The following TMC2 variants were observed in gnomAD, a reference collection of about 807,000 sequenced individuals.
TMC2 encodes transmembrane channel like 2, also known as transmembrane channel-like protein 2.
Under a neutral mutation model 105.9 loss-of-function variants are expected in TMC2, and 102 were observed. The ratio of observed to expected loss-of-function variants is 0.96; its 90% CI spans 0.82 to 1.14. The LOEUF (loss-of-function observed/expected upper bound fraction) is 1.14. Ranked by LOEUF, TMC2 falls within the 50% of genes most tolerant of loss-of-function variation. The pLI, the probability that TMC2 is intolerant of heterozygous loss-of-function variation, is 0.00. For synonymous variants in TMC2, 402 were observed against 422.8 expected (o/e 0.95, Z 0.60); for missense variants, 1,093 against 1,134.3 (o/e 0.96, Z 0.52).
rs551530537 is a variant in TMC2 at position 2,597,442 on chromosome 20, C to A, written c.1224+144C>A. 2.3e-4 allele frequency: 183 copies of A among 791,628 alleles called. No homozygotes were observed. The African/African-American group carries it at 2.7e-3, about 12-fold the overall frequency. The allele number at this position is 791,628 out of a possible 1,614,324, so 49.0% of individuals were successfully genotyped here. On this transcript the variant is annotated intron_variant, in intron 10 of 19. Transcript: ENST00000358864. ...TTCCCAGAAATGTGAGCCCAGTTTT[C>A]AAACCCTTAAGTAAGAATGTTCGTG...
rs1351070900 is a variant in TMC2, at chr20:2,643,033, C to T, written c.*1682C>T. ...CTCCCAAATCCCTTCCCTTCTCAAT[C>T]CAGCACCAAAACTTCACATATATAT... On this transcript the variant is annotated 3_prime_UTR_variant, in exon 20 of 20. Coordinates refer to ENST00000358864, the MANE Select transcript of TMC2 (RefSeq NM_080751.3). Among the ~76,000 whole-genome samples the T allele has an allele frequency of 2.6e-5, 4 of 152,158 alleles. No homozygotes were observed. The East Asian group carries it at 7.7e-4, about 29-fold the overall frequency.
intron 17 of TMC2, among the ~76,000 whole-genome samples, chr20:2,631,577 A>G (rs1386932355): frequency 2.6e-5 from 4 of 152,186 alleles, no homozygotes; most frequent in Non-Finnish European, 5.9e-5. Flanking sequence ...TCTTTCAAAT[A>G]TGTCATCCCA....
At position 2,640,184 on chromosome 20, in the gene TMC2, G is replaced by A. The variant is rs575380632; in HGVS notation, c.2504-950G>A. On this transcript the variant is annotated intron_variant, in intron 19 of 19. Coordinates refer to ENST00000358864, the MANE Select transcript of TMC2 (RefSeq NM_080751.3). ...TTTAGTAGAGATGGGATTTCACCACGTTGGCCAGGCTGGTCTCAAACTCCT... is the reference window on the plus strand; with the variant it reads ...TTTAGTAGAGATGGGATTTCACCACATTGGCCAGGCTGGTCTCAAACTCCT... 5.3e-5 allele frequency among the ~76,000 whole-genome samples: 8 copies of A among 152,120 alleles called. No homozygotes were observed. The East Asian group carries it at 7.7e-4, about 15-fold the overall frequency.
Position 2,630,685 on chromosome 20 carries a change from G to C in TMC2, c.2307-5241G>C, listed in dbSNP as rs142397510. Among the ~76,000 whole-genome samples the C allele has an allele frequency of 2.1e-3, 322 of 152,250 alleles. 2 individuals carry two copies. Among genetic ancestry groups the C allele is most frequent in the Middle Eastern group, 0.017 (5 of 294 alleles). The stretch of plus-strand genomic sequence containing the variant: ...AAACTTTAAAAATTAACTGAGTGTG[G>C]TGGCACATGCCTGTAGTTCCAGCTA... On this transcript the variant is annotated intron_variant, in intron 17 of 19. Coordinates refer to ENST00000358864, the MANE Select transcript of TMC2 (RefSeq NM_080751.3).
intron 5 of TMC2, 29 bp downstream of exon 5, chr20:2,572,298 T>A (rs949115138): frequency 6.4e-7 from 1 of 1,555,516 alleles, no homozygotes; most frequent in African/African-American, 1.4e-5. Flanking sequence ...GTGAATCTGT[T>A]GGGAGGGCTT....
chr20:2,602,883 C>T (rs2086361984), intron 11 of TMC2, among the ~76,000 whole-genome samples: 1 of 152,226 alleles, frequency 6.6e-6, no homozygotes, highest in African/African-American at 2.4e-5. Context: ...CTTTGCTTTC[C>T]TTTGCACATT....
At chr20:2,574,765 G>A (rs561863797) in intron 5 of TMC2, among the ~76,000 whole-genome samples, 55 of 150,926 alleles carry the variant, frequency 3.6e-4, no homozygotes, top group Non-Finnish European at 6.3e-4. Flanking sequence ...TTTCTCTGTC[G>A]CCCAGGCTAG....
intron 2 of TMC2, among the ~76,000 whole-genome samples, chr20:2,542,725 G>C (rs142548686): frequency 0.014 from 1,994 of 137,860 alleles, 44 homozygotes; most frequent in African/African-American, 0.051. Context: ...ACAGAGTCTC[G>C]CTCTGTCACC....
chr20:2,548,163 C>T (rs2085935656), intron 2 of TMC2, among the ~76,000 whole-genome samples: 1 of 152,150 alleles, frequency 6.6e-6, no homozygotes, highest in Non-Finnish European at 1.5e-5. Flanking sequence ...CCTGAATGTA[C>T]ACAACACAAC....
intron 17 of TMC2, among the ~76,000 whole-genome samples, chr20:2,629,812 A>G (rs1466201236): frequency 6.6e-6 from 1 of 152,240 alleles, no homozygotes; most frequent in African/African-American, 2.4e-5. Flanking sequence ...ACTGTAGTCC[A>G]CAAGCTAAAT....
At chr20:2,570,723 G>T (rs956153464) in intron 4 of TMC2, among the ~76,000 whole-genome samples, 1 of 152,100 alleles carries the variant, frequency 6.6e-6, no homozygotes, top group African/African-American at 2.4e-5. Flanking sequence ...TAAAGCCAGA[G>T]GCATCACATT....
intron 4 of TMC2, among the ~76,000 whole-genome samples, chr20:2,565,610 T>G (rs1387660765): frequency 6.6e-6 from 1 of 152,222 alleles, no homozygotes; most frequent in Non-Finnish European, 1.5e-5. Flanking sequence ...TTTCTTCTTC[T>G]GAAAATAAAG....
At chr20:2,594,284 C>T (rs997635334) in intron 8 of TMC2, among the ~76,000 whole-genome samples, 9 of 143,270 alleles carry the variant, frequency 6.3e-5, no homozygotes, top group South Asian at 2.3e-4. Context: ...CTGGAGTGCA[C>T]GGGCATGATC....
At chr20:2,537,455 G>C in intron 2 of TMC2, 139 bp downstream of exon 2, 1 of 762,072 alleles carries the variant, frequency 1.3e-6, no homozygotes, top group Non-Finnish European at 2.2e-6. Context: ...AGCCTTCCTG[G>C]GAGGCAAGGT....
chr20:2,558,887 G>GAGGGCACGGGC lies in TMC2; in HGVS notation c.401+113_401+114insAGGGCACGGGC. On this transcript the variant is annotated intron_variant, in intron 3 of 19. Coordinates refer to ENST00000358864, the MANE Select transcript of TMC2 (RefSeq NM_080751.3). This position sits in a 1 kb window ranked among gnomAD's most constrained non-coding sequence, Gnocchi z 4.6. ...CCCCCTCCCCGGGGAGAGGCAGCCC[G>GAGGGCACGGGC]TGCCCTCGCTCTGGCTTCCGTGCCT... 8.8e-7 allele frequency: 1 copy of GAGGGCACGGGC among 1,136,534 alleles called. No homozygotes were observed. Among genetic ancestry groups the GAGGGCACGGGC allele is most frequent in the Non-Finnish European group, 1.2e-6 (1 of 820,706 alleles). The allele number at this position is 1,136,534 out of a possible 1,614,324, so 70.4% of individuals were successfully genotyped here. A position where few individuals can be genotyped will look rare whatever the true frequency, so the allele number is the denominator to read the frequency against.
At chr20:2,541,619 C>T (rs1311777459) in intron 2 of TMC2, among the ~76,000 whole-genome samples, 3 of 141,582 alleles carry the variant, frequency 2.1e-5, no homozygotes, top group Admixed American at 1.5e-4. Flanking sequence ...CCAGACTGGG[C>T]GACAGAGCAA....
intron 2 of TMC2, among the ~76,000 whole-genome samples, chr20:2,542,849 G>T (rs1051304064): frequency 6.6e-6 from 1 of 151,356 alleles, no homozygotes; most frequent in Non-Finnish European, 1.5e-5. Flanking sequence ...GCACTACCAC[G>T]CTTGGCTAAT....
rs953415744 is a variant in TMC2, at chr20:2,637,477, C to T, written c.2389C>T (p.Arg797Cys). ...AQLRKKIQVL[R>C]EVEKSHKSVK... ...AACAGTTCATTATTTCCTGCAGCTCCGTGAAGTTGAGAAGAGTCACAAATC... is the reference window on the plus strand; with the variant it reads ...AACAGTTCATTATTTCCTGCAGCTCTGTGAAGTTGAGAAGAGTCACAAATC... The change falls in exon 19 of 20, where the codon CGT becomes TGT. Residue 797 changes from arginine (R) to cysteine (C), a missense_variant. Physicochemically the swap from Arg to Cys is radical, Grantham distance 180 (BLOSUM62 -3). Coordinates refer to ENST00000358864, the MANE Select transcript of TMC2 (RefSeq NM_080751.3). The T allele has an allele frequency of 2.3e-5, 37 of 1,608,076 alleles. No individual in the cohort carries two copies. The highest frequency in any genetic ancestry group is 1.7e-4 in the Middle Eastern group (1 of 6,044).
chr20:2,605,434 C>T (rs78669359), intron 11 of TMC2, among the ~76,000 whole-genome samples: 1,842 of 152,212 alleles, frequency 0.012, 36 homozygotes, highest in African/African-American at 0.04. Flanking sequence ...CTGTCTTCTC[C>T]CTGTGTCCTT....
Sources: gnomAD v4.1 joint callset for allele counts (sites outside exome capture counted in the v4.1 genomes callset) on GRCh38, gnomAD v4.1.1 for gene constraint, Gnocchi (gnomAD v3.1) non-coding constraint, MANE v1.5 for transcripts, NCBI Gene and HGNC (gene_info 2026-07-23, HGNC 2026-07-21) for gene names.